CLIC4: variants seen among roughly 807,000 people sequenced by gnomAD.
The protein encoded by CLIC4 is chloride intracellular channel protein 4.
A neutral mutation model predicts 24.6 loss-of-function variants in CLIC4; 13 were observed. The ratio of observed to expected loss-of-function variants is 0.53; its 90% CI spans 0.34 to 0.84. The LOEUF (loss-of-function observed/expected upper bound fraction) is 0.84. Ranked by LOEUF, CLIC4 falls within the 40% of genes least tolerant of loss-of-function variation. The pLI, the probability that CLIC4 is intolerant of heterozygous loss-of-function variation, is 0.01. For synonymous variants in CLIC4, 104 were observed against 111.3 expected (o/e 0.93, Z 0.41); for missense variants, 227 against 301.7 (o/e 0.75, Z 1.83).
At chr1:24,837,050 A>G (rs1175156126) in intron 4 of CLIC4, among the ~76,000 whole-genome samples, 3 of 152,228 alleles carry the variant, frequency 2.0e-5, no homozygotes, top group Non-Finnish European at 4.4e-5. Context: ...AATATTGGTG[A>G]AGTAAAAGTT....
chr1:24,768,749 A>C (rs1359280098), intron 1 of CLIC4, among the ~76,000 whole-genome samples: 1 of 152,012 alleles, frequency 6.6e-6, no homozygotes, highest in Non-Finnish European at 1.5e-5. Flanking sequence ...TCATAATACA[A>C]AAATTAGGAG....
intron 1 of CLIC4, 138 bp downstream of exon 1, chr1:24,745,763 GC>G: frequency 1.7e-6 from 1 of 605,514 alleles, no homozygotes; most frequent in Non-Finnish European, 2.5e-6. Context: ...CGCGCCCCCG[GC>G]CCATTGTCTG....
At chr1:24,767,826 T>A (rs1168077029) in intron 1 of CLIC4, among the ~76,000 whole-genome samples, 1 of 151,408 alleles carries the variant, frequency 6.6e-6, no homozygotes, top group Non-Finnish European at 1.5e-5. Context: ...TAATTAAAAA[T>A]TTTTAATTAA....
chr1:24,804,832 G>A (rs1172027517), intron 2 of CLIC4, among the ~76,000 whole-genome samples: 1 of 151,922 alleles, frequency 6.6e-6, no homozygotes, highest in African/African-American at 2.4e-5. Context: ...CAGGCAAAGT[G>A]GCTCACTCTT....
rs1328545161 is a variant in CLIC4 at position 24,841,039 on chromosome 1, A to C, written c.*102A>C. ...AGAGCAGAAATTGTATTTTGCACGA[A>C]CATGCAGTTATTGAAGATTAGGATC... On this transcript the variant is annotated 3_prime_UTR_variant, in exon 6 of 6. Coordinates refer to ENST00000374379, the MANE Select transcript of CLIC4 (RefSeq NM_013943.3). The C allele has an allele frequency of 2.1e-6, 2 of 954,018 alleles. No individual in the cohort carries two copies. Among genetic ancestry groups the C allele is most frequent in the African/African-American group, 3.3e-5 (2 of 59,964 alleles). 59.1% of individuals were successfully genotyped at this position (954,018 alleles called of 1,614,324 possible).
chr1:24,754,355 C>T (rs1638815491), intron 1 of CLIC4, among the ~76,000 whole-genome samples: 1 of 152,150 alleles, frequency 6.6e-6, no homozygotes, highest in Non-Finnish European at 1.5e-5. Context: ...GCAGAGGTGC[C>T]TAGAAGCCAG....
At chr1:24,798,904 C>A (rs1639438205) in intron 2 of CLIC4, among the ~76,000 whole-genome samples, 1 of 152,254 alleles carries the variant, frequency 6.6e-6, no homozygotes, top group Non-Finnish European at 1.5e-5. Flanking sequence ...GCCTCGGCCT[C>A]CCGAGGTGCC....
At chr1:24,837,803 C>T (rs1445880914) in intron 4 of CLIC4, among the ~76,000 whole-genome samples, 1 of 152,162 alleles carries the variant, frequency 6.6e-6, no homozygotes, top group Non-Finnish European at 1.5e-5. Context: ...CACTTGAGGT[C>T]AGGAGTTCGA....
At chr1:24,822,629 G>A (rs1421627223) in intron 3 of CLIC4, among the ~76,000 whole-genome samples, 1 of 152,086 alleles carries the variant, frequency 6.6e-6, no homozygotes, top group African/African-American at 2.4e-5. Context: ...GAGCCACAGT[G>A]CCTGCCCTTA....
intron 1 of CLIC4, chr1:24,793,058 T>G (rs1639357826): frequency 2.0e-5 from 3 of 152,342 alleles, no homozygotes; most frequent in African/African-American, 7.2e-5. Flanking sequence ...TAACACTGCT[T>G]TGACAGGCAG....
intron 1 of CLIC4, among the ~76,000 whole-genome samples, chr1:24,769,799 T>C (rs116234258): frequency 6.6e-6 from 1 of 152,262 alleles, no homozygotes; most frequent in African/African-American, 2.4e-5. Context: ...CCTGGTTAAT[T>C]AGTATTTTAT....
intron 1 of CLIC4, among the ~76,000 whole-genome samples, chr1:24,778,360 G>A (rs143387482): frequency 7.7e-4 from 117 of 152,224 alleles, no homozygotes; most frequent in Non-Finnish European, 1.4e-3. Context: ...CATAAAACTA[G>A]TTTTATATAG....
intron 4 of CLIC4, 110 bp from the exon 5 acceptor site, chr1:24,839,750 T>A (rs747435382): frequency 2.3e-5 from 22 of 949,638 alleles, no homozygotes; most frequent in Non-Finnish European, 3.4e-5. Flanking sequence ...GTACCTTGTT[T>A]CAGAGTAAAC....
intron 1 of CLIC4, among the ~76,000 whole-genome samples, chr1:24,751,113 G>C (rs1209509760): frequency 6.6e-6 from 1 of 151,890 alleles, no homozygotes; most frequent in Non-Finnish European, 1.5e-5. Context: ...ATCAAAGCAT[G>C]GTTCTTCATC....
chr1:24,840,958 T>C lies in CLIC4; in HGVS notation c.*21T>C. On this transcript the variant is annotated 3_prime_UTR_variant, in exon 6 of 6. Coordinates refer to ENST00000374379, the MANE Select transcript of CLIC4 (RefSeq NM_013943.3). ...AGTAAAATCGCGTTTGTAAAAGAGATGTCTTCATGTCTTCCCCTAAGAATA... is the reference window on the plus strand; with the variant it reads ...AGTAAAATCGCGTTTGTAAAAGAGACGTCTTCATGTCTTCCCCTAAGAATA... The C allele has an allele frequency of 1.3e-6, 2 of 1,571,922 alleles. No homozygotes were observed. The highest frequency in any genetic ancestry group is 1.4e-5 in the African/African-American group (1 of 73,338).
intron 1 of CLIC4, among the ~76,000 whole-genome samples, chr1:24,775,224 C>CTTTCTTTTTTTTTTTTTTTT (rs1639119913): frequency 1.1e-5 from 1 of 90,664 alleles, no homozygotes; most frequent in Non-Finnish European, 2.1e-5. Flanking sequence ...TTCTTTCTTT[C>CTTTCTTTTTTTTTTTTTTTT]TTTTTTTTTT....
chr1:24,814,016 C>T (rs1337754829), intron 2 of CLIC4, 78 bp from the exon 3 acceptor site: 2 of 1,578,690 alleles, frequency 1.3e-6, no homozygotes, highest in Non-Finnish European at 1.7e-6. Context: ...CGTGCCTGGC[C>T]AACTTTGAGA....
chr1:24,810,951 C>T (rs1167581801), intron 2 of CLIC4, among the ~76,000 whole-genome samples: 7 of 150,626 alleles, frequency 4.6e-5, no homozygotes, highest in Admixed American at 2.0e-4. Context: ...GCTTGGTGTG[C>T]GCCTGTAGTC....
At chr1:24,772,209 T>C (rs1464163647) in intron 1 of CLIC4, among the ~76,000 whole-genome samples, 1 of 152,194 alleles carries the variant, frequency 6.6e-6, no homozygotes, top group Non-Finnish European at 1.5e-5. Context: ...AAGATTTTGT[T>C]TGTTGTATCT....
Sources: allele counts gnomAD v4.1 joint callset (sites outside exome capture counted in the v4.1 genomes callset), GRCh38; gene constraint gnomAD v4.1.1; transcripts MANE v1.5; gene names NCBI Gene and HGNC (gene_info 2026-07-23, HGNC 2026-07-21).